PDGFRA: variants seen among roughly 807,000 people sequenced by gnomAD.
PDGFRA encodes platelet-derived growth factor receptor alpha.
PDGFRA carries 25 observed loss-of-function variants against 121.5 expected under a neutral mutation model. That is an observed-to-expected ratio of 0.21 (90% CI 0.15 to 0.29). PDGFRA has a LOEUF of 0.29. Among genes scored for constraint, PDGFRA ranks in the 10% least tolerant of loss-of-function variants. The probability of loss-of-function intolerance (pLI) is 1.00; values close to 1 mark genes in which losing one functional copy is unlikely to be tolerated. For missense variants in PDGFRA, 1,008 were observed against 1,345.1 expected (o/e 0.75, Z 3.92); for synonymous variants, 463 against 494.8 (o/e 0.94, Z 0.85).
At chr4:54,279,094 A>G (rs1426555997) in intron 15 of PDGFRA, 3 of 300,856 alleles carry the variant, frequency 1.0e-5, no homozygotes, top group South Asian at 2.9e-5. Flanking sequence ...CCACATGGCC[A>G]CACGGCTCAA....
At chr4:54,233,171 C>A (rs575113733) in intron 1 of PDGFRA, among the ~76,000 whole-genome samples, 102 of 151,550 alleles carry the variant, frequency 6.7e-4, no homozygotes, top group African/African-American at 2.2e-3. Flanking sequence ...AGGTTCAGAG[C>A]GCGGCGCGCA....
chr4:54,275,352 G>A (rs1723662362), intron 12 of PDGFRA, among the ~76,000 whole-genome samples: 1 of 152,150 alleles, frequency 6.6e-6, no homozygotes, highest in African/African-American at 2.4e-5. Context: ...TTTTGATTCA[G>A]TACATTCTGA....
At chr4:54,269,466 ACAAT>A (rs1723207209) in intron 7 of PDGFRA, among the ~76,000 whole-genome samples, 1 of 151,680 alleles carries the variant, frequency 6.6e-6, no homozygotes, top group Non-Finnish European at 1.5e-5. Flanking sequence ...TTTATAAAGG[ACAAT>A]CAAATGGGCA....
chr4:54,232,707 C>A (rs1720752944), intron 1 of PDGFRA, among the ~76,000 whole-genome samples: 1 of 152,240 alleles, frequency 6.6e-6, no homozygotes, highest in Non-Finnish European at 1.5e-5. Context: ...GCCTCAGCCT[C>A]CCGAGTAACT....
chr4:54,264,129 T>C, intron 4 of PDGFRA: 2 of 597,828 alleles, frequency 3.3e-6, no homozygotes, highest in South Asian at 4.4e-5. Context: ...TGATTACCCA[T>C]GCAAGATTTC....
chr4:54,267,757 GC>G lies in PDGFRA; in HGVS notation c.1121+19del, dbSNP rs1436816596. On this transcript the variant is annotated intron_variant, in intron 7 of 22. Transcript: ENST00000257290. ...AGGAAATAAGGTAAAGAAACTCTCT[GC>G]CCAAGTATGCCTTTTTTTAGTGTGC... The G allele has an allele frequency of 6.2e-7, 1 of 1,606,908 alleles. No homozygotes were observed. The highest frequency in any genetic ancestry group is 1.7e-5 in the Admixed American group (1 of 59,994).
Position 54,273,781 on chromosome 4 carries a change from C to T in PDGFRA, c.1558+51C>T, listed in dbSNP as rs182073697. ...CTCATCAGCTGAGCCGCATCTGCCC[C>T]AGGCGGAACTTTGAATCCCAGATAG... On this transcript the variant is annotated intron_variant, in intron 10 of 22. Transcript: ENST00000257290. 38 of 1,489,976 alleles carry T rather than the reference C, an allele frequency of 2.6e-5. No individual in the cohort carries two copies. In the African/African-American group the frequency reaches 4.5e-4, roughly 18 times the overall value. The allele number at this position is 1,489,976 out of a possible 1,614,324, so 92.3% of individuals were successfully genotyped here. A position where few individuals can be genotyped will look rare whatever the true frequency, so the allele number is the denominator to read the frequency against.
At position 54,295,342 on chromosome 4, in the gene PDGFRA, T is replaced by C; in HGVS notation, c.*70T>C. 1 of 1,499,778 alleles carries C rather than the reference T, an allele frequency of 6.7e-7. No homozygotes were observed. The highest frequency in any genetic ancestry group is 1.1e-5 in the South Asian group (1 of 88,690). The allele number at this position is 1,499,778 out of a possible 1,614,324, so 92.9% of individuals were successfully genotyped here. A position where few individuals can be genotyped will look rare whatever the true frequency, so the allele number is the denominator to read the frequency against. ...GATCCCGTTCAGAAAACCACTTTAT[T>C]GCAATGCAGAGGTTGAGAGGAGGAC... On this transcript the variant is annotated 3_prime_UTR_variant, in exon 23 of 23. Transcript: ENST00000257290.
At chr4:54,287,974 T>C (rs1260091584) in intron 19 of PDGFRA, among the ~76,000 whole-genome samples, 1 of 152,078 alleles carries the variant, frequency 6.6e-6, no homozygotes, top group Non-Finnish European at 1.5e-5. Flanking sequence ...TCATTCCTGG[T>C]TGTCATTGGC....
intron 1 of PDGFRA, among the ~76,000 whole-genome samples, chr4:54,257,723 A>AG (rs1360912970): frequency 6.6e-6 from 1 of 152,198 alleles, no homozygotes; most frequent in Non-Finnish European, 1.5e-5. Flanking sequence ...GGGAGAAATG[A>AG]GGGGGGAGAT....
intron 22 of PDGFRA, among the ~76,000 whole-genome samples, chr4:54,291,182 C>G (rs1205191564): frequency 1.3e-5 from 2 of 152,210 alleles, no homozygotes; most frequent in South Asian, 2.1e-4. Flanking sequence ...ACTATGCCCT[C>G]TGCCAGCCTG....
intron 5 of PDGFRA, 82 bp downstream of exon 5, chr4:54,265,131 G>T: frequency 7.6e-7 from 1 of 1,312,178 alleles, no homozygotes; most frequent in Non-Finnish European, 1.1e-6. Flanking sequence ...GTCTGTCACT[G>T]ATGGGCACAT....
At position 54,297,250 on chromosome 4, in the gene PDGFRA, T is replaced by C. The variant is rs1161321914; in HGVS notation, c.*1978T>C. 1 of 233,626 alleles carries C rather than the reference T, an allele frequency of 4.3e-6. No individual in the cohort carries two copies. Among genetic ancestry groups the C allele is most frequent in the Non-Finnish European group, 8.5e-6 (1 of 118,060 alleles). 14.5% of individuals were successfully genotyped at this position (233,626 alleles called of 1,614,324 possible). ...ATATGAATGAAACATGGGCTGTGATTACTGCAATCACTGTGCTATCGGCAG... is the reference window on the plus strand; with the variant it reads ...ATATGAATGAAACATGGGCTGTGATCACTGCAATCACTGTGCTATCGGCAG... On this transcript the variant is annotated 3_prime_UTR_variant, in exon 23 of 23. Transcript: ENST00000257290.
At chr4:54,264,666 A>C in intron 4 of PDGFRA, 1 of 407,708 alleles carries the variant, frequency 2.5e-6, no homozygotes, top group Non-Finnish European at 4.6e-6. Context: ...CTGCTGAGGA[A>C]TGCGGTGTTC....
At chr4:54,253,535 A>C (rs1722183252) in intron 1 of PDGFRA, among the ~76,000 whole-genome samples, 1 of 152,194 alleles carries the variant, frequency 6.6e-6, no homozygotes, top group Admixed American at 6.5e-5. Context: ...TGTTTCTCTA[A>C]GTTATGGCAA....
chr4:54,292,470 AGGACACAT>A (rs941429990), intron 22 of PDGFRA, among the ~76,000 whole-genome samples: 1 of 152,124 alleles, frequency 6.6e-6, no homozygotes, highest in Non-Finnish European at 1.5e-5. Flanking sequence ...CTGAACGATG[AGGACACAT>A]GGACACATGG....
intron 22 of PDGFRA, among the ~76,000 whole-genome samples, chr4:54,293,428 TC>T (rs1724727125): frequency 2.0e-5 from 2 of 100,590 alleles, no homozygotes; most frequent in Admixed American, 1.2e-4. Flanking sequence ...ACCTAGAATT[TC>T]TTTTTTTTTT....
chr4:54,233,963 A>C (rs1260889662), intron 1 of PDGFRA, among the ~76,000 whole-genome samples: 1 of 152,198 alleles, frequency 6.6e-6, no homozygotes, highest in East Asian at 1.9e-4. Context: ...CAGATAGGAC[A>C]GCGCGGCCCG....
At chr4:54,279,285 C>T (rs1268660372) in intron 15 of PDGFRA, among the ~76,000 whole-genome samples, 1 of 152,194 alleles carries the variant, frequency 6.6e-6, no homozygotes, top group Admixed American at 6.5e-5. Context: ...GGAACTGGCT[C>T]TGAAAACAAG....
Sources: gnomAD v4.1 joint callset for allele counts (sites outside exome capture counted in the v4.1 genomes callset) on GRCh38, gnomAD v4.1.1 for gene constraint, MANE v1.5 for transcripts, NCBI Gene and HGNC (gene_info 2026-07-23, HGNC 2026-07-21) for gene names.